Variants in HFM1 observed in about 807,000 individuals in gnomAD.
HFM1 encodes helicase for meiosis 1, also known as probable ATP-dependent DNA helicase HFM1.
In HFM1, 169 loss-of-function variants were observed where a neutral mutation model predicts 192.1. The ratio of observed to expected loss-of-function variants is 0.88; its 90% CI spans 0.78 to 1.00. HFM1 has a LOEUF of 1.00. Among genes scored for constraint, HFM1 ranks in the 50% least tolerant of loss-of-function variants. The probability of loss-of-function intolerance (pLI) is 0.00; values close to 1 mark genes in which losing one functional copy is unlikely to be tolerated. For missense variants in HFM1, 1,661 were observed against 1,668.0 expected (o/e 1.00, Z 0.07); for synonymous variants, 525 against 537.8 (o/e 0.98, Z 0.33).
In HFM1 at chr1:91,353,311, T is replaced by C; in HGVS notation, c.1686-12A>G. ...CATACTTCTGTAACCTATTTAAAAATACCATAAAATTATTGAGTTACTCCC... is the reference window on the plus strand; with the variant it reads ...CATACTTCTGTAACCTATTTAAAAACACCATAAAATTATTGAGTTACTCCC... On this transcript the variant is annotated splice_polypyrimidine_tract_variant and intron_variant, in intron 13 of 38. Transcript: ENST00000370425. The C allele has an allele frequency of 2.0e-6, 3 of 1,469,398 alleles. No homozygotes were observed. Among genetic ancestry groups the C allele is most frequent in the Non-Finnish European group, 1.9e-6 (2 of 1,062,850 alleles). The allele number at this position is 1,469,398 out of a possible 1,614,324, so 91.0% of individuals were successfully genotyped here. A position where few individuals can be genotyped will look rare whatever the true frequency, so the allele number is the denominator to read the frequency against.
At chr1:91,274,917 T>C (rs934862437) in intron 32 of HFM1, 108 bp from the exon 33 acceptor site, 1 of 528,662 alleles carries the variant, frequency 1.9e-6, no homozygotes, top group East Asian at 3.2e-5. Flanking sequence ...CCCAAATCAA[T>C]GAATTAGGAG....
chr1:91,381,020 T>TA, intron 6 of HFM1, 38 bp from the exon 7 acceptor site: 3 of 865,946 alleles, frequency 3.5e-6, no homozygotes, highest in Non-Finnish European at 5.4e-6. Flanking sequence ...TTTCAGAATT[T>TA]AAAAAATTAG....
intron 30 of HFM1, among the ~76,000 whole-genome samples, chr1:91,299,550 C>G (rs943519621): frequency 6.6e-6 from 1 of 152,102 alleles, no homozygotes; most frequent in Admixed American, 6.5e-5. Context: ...CTCTCCTCAG[C>G]AAATGTAAAA....
At position 91,313,470 on chromosome 1, in the gene HFM1, A is replaced by T; in HGVS notation, c.3270T>A (p.Leu1090=). 6.3e-7 allele frequency: 1 copy of T among 1,590,636 alleles called. No homozygotes were observed. Among genetic ancestry groups the T allele is most frequent in the East Asian group, 2.3e-5 (1 of 44,284 alleles). Residue 1090 remains leucine (L), a synonymous_variant, in exon 30 of 39, where the codon CTT becomes CTA. Transcript: ENST00000370425. The part of the protein sequence containing the change: ...EFVGLDIQQK[L]TVFYLEPKRF... ...TCTTGGGTTCTAAGTAAAAGACTGT[A>T]AGTTTCTGCTGAATATCAAGCCCAA...
intron 30 of HFM1, among the ~76,000 whole-genome samples, chr1:91,307,314 C>G (rs1313102203): frequency 6.6e-6 from 1 of 152,116 alleles, no homozygotes. Context: ...CTCTGTAAGT[C>G]ATTTCAATTA....
intron 30 of HFM1, among the ~76,000 whole-genome samples, chr1:91,307,353 T>G (rs1649775541): frequency 6.6e-6 from 1 of 152,206 alleles, no homozygotes; most frequent in Non-Finnish European, 1.5e-5. Context: ...TTATATTTAG[T>G]CATATAGTTA....
At chr1:91,266,588 T>C (rs1279879341) in intron 35 of HFM1, among the ~76,000 whole-genome samples, 1 of 152,210 alleles carries the variant, frequency 6.6e-6, no homozygotes, top group Non-Finnish European at 1.5e-5. Flanking sequence ...ACATAAATGA[T>C]CAAGTTGAAG....
At chr1:91,318,946 C>T (rs1651658349) in intron 25 of HFM1, 132 bp downstream of exon 25, 1 of 805,942 alleles carries the variant, frequency 1.2e-6, no homozygotes, top group South Asian at 2.3e-5. Flanking sequence ...TTCGAAAGTA[C>T]AGCACTTATT....
intron 13 of HFM1, among the ~76,000 whole-genome samples, chr1:91,361,416 T>C (rs972585786): frequency 1.1e-4 from 17 of 152,210 alleles, no homozygotes; most frequent in African/African-American, 4.1e-4. Context: ...CAGAGAATAC[T>C]GTAAAGACCT....
intron 20 of HFM1, chr1:91,329,111 G>A: frequency 1.9e-6 from 3 of 1,609,974 alleles, no homozygotes; most frequent in South Asian, 1.1e-5. Flanking sequence ...GGCCCAAGCG[G>A]GCTGTGGATC....
At chr1:91,318,433 T>C (rs1030502944) in intron 25 of HFM1, among the ~76,000 whole-genome samples, 5 of 152,202 alleles carry the variant, frequency 3.3e-5, no homozygotes, top group Non-Finnish European at 7.3e-5. Flanking sequence ...AGTGATGAGA[T>C]AGTAACTCTC....
At chr1:91,296,451 T>C (rs956819212) in intron 30 of HFM1, among the ~76,000 whole-genome samples, 5 of 152,084 alleles carry the variant, frequency 3.3e-5, no homozygotes, top group Admixed American at 3.3e-4. Context: ...TCTAGTAAAG[T>C]AGGTTGCCCA....
chr1:91,291,501 G>A (rs1368462455), intron 30 of HFM1, among the ~76,000 whole-genome samples: 1 of 152,114 alleles, frequency 6.6e-6, no homozygotes, highest in African/African-American at 2.4e-5. Flanking sequence ...GACTAAACCA[G>A]GAAGAAGTTG....
At chr1:91,325,504 G>A (rs983159121) in intron 20 of HFM1, among the ~76,000 whole-genome samples, 3 of 152,190 alleles carry the variant, frequency 2.0e-5, no homozygotes, top group African/African-American at 7.2e-5. Context: ...AAGAACAAGA[G>A]TCTTTGCCTG....
chr1:91,384,976 C>G (rs1478190392), intron 6 of HFM1, among the ~76,000 whole-genome samples: 3 of 152,018 alleles, frequency 2.0e-5, no homozygotes. Context: ...AACTCCTGAC[C>G]TCGTGATCTG....
intron 20 of HFM1, among the ~76,000 whole-genome samples, chr1:91,335,491 T>A (rs940358107): frequency 5.3e-5 from 8 of 152,036 alleles, no homozygotes; most frequent in Non-Finnish European, 1.0e-4. Context: ...AAGGAAAGCA[T>A]AAGGAAAATG....
intron 30 of HFM1, among the ~76,000 whole-genome samples, chr1:91,311,790 A>G (rs917415750): frequency 3.3e-5 from 5 of 152,210 alleles, no homozygotes; most frequent in African/African-American, 9.6e-5. Context: ...AGGCCATGTC[A>G]CAGATGTTTA....
chr1:91,378,314 CAT>C (rs1435372340), intron 10 of HFM1, 87 bp downstream of exon 10: 6 of 1,274,206 alleles, frequency 4.7e-6, no homozygotes, highest in African/African-American at 1.5e-5. Context: ...ATAAAACAAA[CAT>C]ATAGTTTGGT....
chr1:91,291,754 G>A (rs1030285912), intron 30 of HFM1, among the ~76,000 whole-genome samples: 15 of 151,800 alleles, frequency 9.9e-5, no homozygotes, highest in African/African-American at 3.1e-4. Flanking sequence ...AACCAAAAAA[G>A]AGAATTTTAG....
Sources: gnomAD v4.1 joint callset for allele counts (sites outside exome capture counted in the v4.1 genomes callset) on GRCh38, gnomAD v4.1.1 for gene constraint, MANE v1.5 for transcripts, NCBI Gene and HGNC (gene_info 2026-07-23, HGNC 2026-07-21) for gene names.